Variants in MIS18A observed in about 807,000 individuals in gnomAD.
MIS18A encodes the protein protein Mis18-alpha.
MIS18A carries 14 observed loss-of-function variants against 25.0 expected under a neutral mutation model. The observed-to-expected ratio is 0.56, with a 90% CI of 0.37 to 0.88. The LOEUF (loss-of-function observed/expected upper bound fraction) is 0.88, where lower values mean the gene tolerates loss of function less well. MIS18A is among the 40% of genes least tolerant of loss of function. The pLI is 0.00. For missense variants in MIS18A, 292 were observed against 290.8 expected, an observed-to-expected ratio of 1.00 and a Z score of -0.03; for synonymous variants, 134 against 118.6, an observed-to-expected ratio of 1.13 and a Z score of -0.84.
chr21:32,259,888 G>C, the MIS18A span: 3 of 152,302 alleles, frequency 2.0e-5, no homozygotes, highest in Admixed American at 6.5e-5. Flanking sequence ...ACAGTAGAAT[G>C]ATCACAGATG....
At chr21:32,257,086 G>A in the MIS18A span, among the ~76,000 whole-genome samples, 1 of 152,148 alleles carries the variant, frequency 6.6e-6, no homozygotes, top group Non-Finnish European at 1.5e-5. Context: ...ACGGGACTTG[G>A]CTCGCCTGCT....
the MIS18A span, among the ~76,000 whole-genome samples, chr21:32,185,473 G>T: frequency 3.9e-5 from 6 of 152,284 alleles, no homozygotes; most frequent in South Asian, 1.0e-3. Context: ...CTGTGATGCT[G>T]TCAGGAGCCC....
At chr21:32,204,843 C>T in the MIS18A span, among the ~76,000 whole-genome samples, 14 of 152,232 alleles carry the variant, frequency 9.2e-5, no homozygotes, top group South Asian at 2.1e-4. Flanking sequence ...GCCAAGATCA[C>T]GCCACCGCAC....
the MIS18A span, among the ~76,000 whole-genome samples, chr21:32,189,751 C>T: frequency 6.6e-6 from 1 of 152,218 alleles, no homozygotes; most frequent in Non-Finnish European, 1.5e-5. Flanking sequence ...TGCAGGCAGT[C>T]CTCCTAGATC....
the MIS18A span, among the ~76,000 whole-genome samples, chr21:32,248,880 G>A: frequency 6.6e-6 from 1 of 152,146 alleles, no homozygotes; most frequent in Non-Finnish European, 1.5e-5. Flanking sequence ...CCTTTGTTAG[G>A]AACAGTAAAC....
In MIS18A at chr21:32,273,897, A is replaced by C. The variant is rs566026048; in HGVS notation, c.401+933T>G. ...TAAGATACAGTTTACATTTGCAGCA[A>C]CAATTATATAGGGCAGCGCTTCCCA... On this transcript the variant is annotated intron_variant, in intron 2 of 4. Coordinates refer to ENST00000290130, the MANE Select transcript of MIS18A (RefSeq NM_018944.3). Among the ~76,000 whole-genome samples the C allele has an allele frequency of 2.6e-5, 4 of 152,312 alleles. No individual in the cohort carries two copies. The East Asian group carries it at 7.7e-4, about 29-fold the overall frequency.
the MIS18A span, among the ~76,000 whole-genome samples, chr21:32,240,571 A>T: frequency 5.9e-5 from 9 of 152,266 alleles, no homozygotes; most frequent in Non-Finnish European, 1.5e-5. Context: ...ATCAAGGGAT[A>T]CAGCCAGACT....
chr21:32,160,170 T>C, the MIS18A span, among the ~76,000 whole-genome samples: 35 of 152,246 alleles, frequency 2.3e-4, no homozygotes, highest in Non-Finnish European at 3.8e-4. Context: ...CAGGGTTCAA[T>C]AAAACCCATC....
chr21:32,277,454 T>C lies in MIS18A; in HGVS notation c.334+1227A>G, dbSNP rs531926962. Among the ~76,000 whole-genome samples, 6 of 152,286 alleles carry C rather than the reference T, an allele frequency of 3.9e-5. No homozygotes were observed. The South Asian group carries it at 1.2e-3, about 32-fold the overall frequency. On this transcript the variant is annotated intron_variant, in intron 1 of 4. Coordinates refer to ENST00000290130, the MANE Select transcript of MIS18A (RefSeq NM_018944.3). ...CCTACCTAACCAAAAATCTGCTTTT[T>C]TCTTTTTTTTCTTTTTTGAGACGTT...
At chr21:32,205,345 C>CT in the MIS18A span, among the ~76,000 whole-genome samples, 1 of 152,042 alleles carries the variant, frequency 6.6e-6, no homozygotes, top group Non-Finnish European at 1.5e-5. Flanking sequence ...ACCTTGTGAT[C>CT]TGCCCGCTCG....
chr21:32,274,949 C>T, intron 1 of MIS18A, 53 bp from the exon 2 acceptor site: 2 of 1,412,950 alleles, frequency 1.4e-6, no homozygotes, highest in Non-Finnish European at 2.0e-6. Context: ...TTATAACATA[C>T]CTGCAGACAG....
chr21:32,195,405 G>A, the MIS18A span, among the ~76,000 whole-genome samples: 2 of 152,214 alleles, frequency 1.3e-5, no homozygotes, highest in East Asian at 3.9e-4. Flanking sequence ...CACACCTCCT[G>A]AATTCTGAGG....
chr21:32,197,140 C>T, the MIS18A span, among the ~76,000 whole-genome samples: 5 of 152,128 alleles, frequency 3.3e-5, no homozygotes, highest in South Asian at 2.1e-4. Flanking sequence ...CTGAGTATAA[C>T]CTACCAAGTA....
chr21:32,191,668 T>C, the MIS18A span, among the ~76,000 whole-genome samples: 23,057 of 151,810 alleles, frequency 0.15, 1,862 homozygotes, highest in East Asian at 0.24. Flanking sequence ...CTTTGGGAGG[T>C]CAAGGCGGGT....
intron 1 of MIS18A, 169 bp downstream of exon 1, chr21:32,278,512 G>T (rs1005873192): frequency 1.4e-6 from 1 of 699,312 alleles, no homozygotes; most frequent in Admixed American, 3.2e-5. Context: ...CAAAGTGGAG[G>T]GGTGACCCTC....
the MIS18A span, among the ~76,000 whole-genome samples, chr21:32,230,599 A>G: frequency 6.6e-6 from 1 of 152,188 alleles, no homozygotes; most frequent in African/African-American, 2.4e-5. Context: ...TTTACCCTCA[A>G]CTGATTTTCA....
chr21:32,228,686 T>A, the MIS18A span, among the ~76,000 whole-genome samples: 2 of 152,124 alleles, frequency 1.3e-5, no homozygotes, highest in African/African-American at 4.8e-5. Flanking sequence ...AAAAGATTAA[T>A]AAACAAAGCT....
chr21:32,224,898 C>A, the MIS18A span, among the ~76,000 whole-genome samples: 2 of 139,192 alleles, frequency 1.4e-5, no homozygotes, highest in South Asian at 2.5e-4. Context: ...GCTACAGTAA[C>A]CAAAACAGCA....
At chr21:32,271,065 G>T (rs1288832815) in intron 2 of MIS18A, among the ~76,000 whole-genome samples, 1 of 152,184 alleles carries the variant, frequency 6.6e-6, no homozygotes, top group African/African-American at 2.4e-5. Flanking sequence ...GACAACCCAT[G>T]TAATTGTTTC....
Sources: gnomAD v4.1 joint callset for allele counts (sites outside exome capture counted in the v4.1 genomes callset) on GRCh38, gnomAD v4.1.1 for gene constraint, MANE v1.5 for transcripts, NCBI Gene and HGNC (gene_info 2026-07-23, HGNC 2026-07-21) for gene names.